The following PDE1A variants were observed in gnomAD, a reference collection of about 807,000 sequenced individuals.
PDE1A encodes the protein phosphodiesterase 1A, also known as dual specificity calcium/calmodulin-dependent 3',5'-cyclic nucleotide phosphodiesterase 1A.
A neutral mutation model predicts 61.7 loss-of-function variants in PDE1A; 35 were observed. That is an observed-to-expected ratio of 0.57 (90% CI 0.43 to 0.75). PDE1A has a LOEUF of 0.75. Among genes scored for constraint, PDE1A ranks in the 30% least tolerant of loss-of-function variants. The probability of loss-of-function intolerance (pLI) is 0.00; values close to 1 mark genes in which losing one functional copy is unlikely to be tolerated. For synonymous variants in PDE1A, 232 were observed against 213.2 expected (o/e 1.09, Z -0.77); for missense variants, 597 against 630.6 (o/e 0.95, Z 0.57).
chr2:182,250,292 T>G (rs1263249469), intron 2 of PDE1A, among the ~76,000 whole-genome samples: 3 of 152,198 alleles, frequency 2.0e-5, no homozygotes. Context: ...TAATTTCCAG[T>G]GCTAGTATGT....
downstream of PDE1A, among the ~76,000 whole-genome samples, chr2:182,146,405 A>G (rs181984923): frequency 4.6e-5 from 7 of 152,368 alleles, no homozygotes; most frequent in Admixed American, 4.6e-4. Flanking sequence ...ACAAGAAATC[A>G]GTCTAAAACA....
At chr2:182,240,178 C>T in exon 3 of PDE1A, 1 of 1,613,944 alleles carries the variant, frequency 6.2e-7, no homozygotes, top group Non-Finnish European at 8.5e-7. Flanking sequence ...CCTCAGGTTT[C>T]TTTTTTGTCA....
the PDE1A span, among the ~76,000 whole-genome samples, chr2:182,697,575 G>A: frequency 2.0e-5 from 3 of 152,326 alleles, no homozygotes; most frequent in South Asian, 2.1e-4. Context: ...AAAACACCAC[G>A]CTGCCAGGTG....
chr2:182,488,036 T>A (rs914876086), intron 2 of PDE1A, among the ~76,000 whole-genome samples: 1 of 152,204 alleles, frequency 6.6e-6, no homozygotes, highest in Non-Finnish European at 1.5e-5. Flanking sequence ...TCAGAGTGGT[T>A]TACAATATTG....
chr2:182,387,076 A>C (rs1315501647), intron 1 of PDE1A, among the ~76,000 whole-genome samples: 1 of 152,234 alleles, frequency 6.6e-6, no homozygotes, highest in Non-Finnish European at 1.5e-5. Context: ...TGTACTAAGA[A>C]AAATTCTTCT....
chr2:182,295,862 G>T (rs1559307098), intron 1 of PDE1A, among the ~76,000 whole-genome samples: 1 of 152,116 alleles, frequency 6.6e-6, no homozygotes, highest in Admixed American at 6.6e-5. Flanking sequence ...ATAAGGAAAA[G>T]AAATTAGAAT....
At chr2:182,438,015 T>G (rs1052850874) in intron 2 of PDE1A, among the ~76,000 whole-genome samples, 1 of 151,852 alleles carries the variant, frequency 6.6e-6, no homozygotes, top group African/African-American at 2.4e-5. Flanking sequence ...GGTAATGAGT[T>G]ATTTGTTATA....
chr2:182,609,022 A>C, the PDE1A span, among the ~76,000 whole-genome samples: 1 of 152,162 alleles, frequency 6.6e-6, no homozygotes, highest in African/African-American at 2.4e-5. Context: ...GTCTCTAGTT[A>C]ATTTGGTGGG....
chr2:182,306,580 A>C (rs1385267141), intron 1 of PDE1A, among the ~76,000 whole-genome samples: 1 of 152,168 alleles, frequency 6.6e-6, no homozygotes, highest in Non-Finnish European at 1.5e-5. Flanking sequence ...ATAAATCTAT[A>C]GTAATTAAAA....
At chr2:182,169,730 C>T (rs1463839221) in intron 13 of PDE1A, among the ~76,000 whole-genome samples, 1 of 152,036 alleles carries the variant, frequency 6.6e-6, no homozygotes, top group African/African-American at 2.4e-5. Context: ...TCTGATAATT[C>T]ATCTTCCTAC....
rs1204686000 is a variant in PDE1A, at chr2:182,187,744, T to G, written c.1208-1156A>C. Among the ~76,000 whole-genome samples, 10 of 127,418 alleles carry G rather than the reference T, an allele frequency of 7.8e-5. No individual in the cohort carries two copies. In the East Asian group the frequency reaches 2.2e-3, roughly 28 times the overall value. The allele number at this position is 127,418 out of a possible 152,430, so 83.6% of individuals were successfully genotyped here. ...CTATGTTCTTTTTTTGTTCTTTTTT[T>G]TTTTTTTTTTTTTTTTTTGAGATGG... is the stretch of plus-strand genomic sequence containing the variant. On this transcript the variant is annotated intron_variant, in intron 11 of 13. Transcript: ENST00000351439.
the PDE1A span, among the ~76,000 whole-genome samples, chr2:182,698,553 A>G: frequency 1.3e-5 from 2 of 152,226 alleles, 1 homozygote; most frequent in Non-Finnish European, 2.9e-5. Flanking sequence ...ATGTTATAAC[A>G]TGGAAAATAT....
the PDE1A span, among the ~76,000 whole-genome samples, chr2:182,694,892 A>G: frequency 6.6e-6 from 1 of 151,144 alleles, no homozygotes; most frequent in Admixed American, 6.6e-5. Context: ...AAGAAATTAT[A>G]AAAGTGATTG....
intron 1 of PDE1A, among the ~76,000 whole-genome samples, chr2:182,330,628 C>G (rs1384407008): frequency 3.9e-5 from 6 of 152,128 alleles, no homozygotes; most frequent in Non-Finnish European, 5.9e-5. Context: ...CGCCCTCCTG[C>G]CCTCTCTGCC....
chr2:182,676,745 C>T, the PDE1A span, among the ~76,000 whole-genome samples: 1 of 152,152 alleles, frequency 6.6e-6, no homozygotes, highest in Non-Finnish European at 1.5e-5. Flanking sequence ...CCCCAAGATG[C>T]AAGGTTGGTT....
chr2:182,600,269 GT>G, the PDE1A span, among the ~76,000 whole-genome samples: 2 of 152,134 alleles, frequency 1.3e-5, no homozygotes, highest in East Asian at 1.9e-4. Flanking sequence ...TTTCTGAAAG[GT>G]TTTTTTCAGG....
the PDE1A span, among the ~76,000 whole-genome samples, chr2:182,534,292 G>A: frequency 2.2e-4 from 33 of 151,700 alleles, no homozygotes; most frequent in Non-Finnish European, 4.1e-4. Flanking sequence ...TTGTTATAAA[G>A]AATTCTCTAA....
At chr2:182,585,271 A>G in the PDE1A span, among the ~76,000 whole-genome samples, 2 of 152,340 alleles carry the variant, frequency 1.3e-5, no homozygotes, top group South Asian at 4.1e-4. Context: ...CATGTCCCAT[A>G]AAGTATCTCA....
chr2:182,182,864 C>T (rs1382389467), intron 13 of PDE1A, among the ~76,000 whole-genome samples: 3 of 152,034 alleles, frequency 2.0e-5, no homozygotes, highest in Non-Finnish European at 2.9e-5. Context: ...TAAATTATTT[C>T]TTCCTCAGTG....
Sources: gnomAD v4.1 joint callset for allele counts (sites outside exome capture counted in the v4.1 genomes callset) on GRCh38, gnomAD v4.1.1 for gene constraint, MANE v1.5 for transcripts, NCBI Gene and HGNC (gene_info 2026-07-23, HGNC 2026-07-21) for gene names.